The following ZFAND1 variants were observed in gnomAD, a reference collection of about 807,000 sequenced individuals.
The protein encoded by ZFAND1 is AN1-type zinc finger protein 1.
Under a neutral mutation model 38.5 loss-of-function variants are expected in ZFAND1, and 40 were observed. That is an observed-to-expected ratio of 1.04 (90% CI 0.81 to 1.35). The LOEUF (loss-of-function observed/expected upper bound fraction) is 1.35. ZFAND1 is among the 40% of genes most tolerant of loss of function. The probability of loss-of-function intolerance (pLI) is 0.00; values close to 1 mark genes in which losing one functional copy is unlikely to be tolerated. For synonymous variants in ZFAND1, 117 were observed against 103.6 expected (o/e 1.13, Z -0.78); for missense variants, 346 against 316.3 (o/e 1.09, Z -0.71).
In ZFAND1 at chr8:81,702,504, G is replaced by A. The variant is rs1585917225; in HGVS notation, c.*191C>T. Reference sequence around the variant, plus strand: ...AATATAAGAATTTGCTAATAATTGAGGATCCGTACACAATTAAACTTAAAA... The same window carrying A: ...AATATAAGAATTTGCTAATAATTGAAGATCCGTACACAATTAAACTTAAAA... On this transcript the variant is annotated 3_prime_UTR_variant, in exon 8 of 8. Coordinates refer to ENST00000220669, the MANE Select transcript of ZFAND1 (RefSeq NM_024699.3). The A allele has an allele frequency of 2.7e-6, 1 of 373,632 alleles. No homozygotes were observed. The highest frequency in any genetic ancestry group is 4.5e-5 in the East Asian group (1 of 22,108). The allele number at this position is 373,632 out of a possible 1,614,324, so 23.1% of individuals were successfully genotyped here. A position where few individuals can be genotyped will look rare whatever the true frequency, so the allele number is the denominator to read the frequency against.
chr8:81,718,187 T>C lies in ZFAND1; in HGVS notation c.93A>G (p.Ile31Met). The C allele has an allele frequency of 1.3e-6, 2 of 1,580,420 alleles. No homozygotes were observed. Among genetic ancestry groups the C allele is most frequent in the Non-Finnish European group, 1.7e-6 (2 of 1,163,252 alleles). The change falls in exon 2 of 8, where the codon ATA becomes ATG. Residue 31 changes from isoleucine to methionine, a missense_variant. Ile to Met is a conservative substitution (Grantham distance 10). Transcript: ENST00000220669. The part of the protein sequence containing the change: ...LPFVCDDCSG[I>M]FCLEHRSRES... ...TGCATAAAAACTTAACTTACCAAAA[T>C]ATTCCTGAACAATCATCACACACAA... is the stretch of plus-strand genomic sequence containing the variant.
At chr8:81,715,174 C>A in intron 3 of ZFAND1, 60 bp from the exon 4 acceptor site, 1 of 1,574,986 alleles carries the variant, frequency 6.3e-7, no homozygotes, top group South Asian at 1.1e-5. Context: ...ATCAATGTGT[C>A]TTATTCTAGA....
intron 5 of ZFAND1, 142 bp downstream of exon 5, chr8:81,714,662 G>T: frequency 1.4e-6 from 1 of 729,458 alleles, no homozygotes; most frequent in Non-Finnish European, 2.2e-6. Flanking sequence ...AAGAAATACT[G>T]TCACAAGAAT....
chr8:81,706,956 A>G (rs1195554281), intron 6 of ZFAND1, among the ~76,000 whole-genome samples: 4 of 152,224 alleles, frequency 2.6e-5, no homozygotes, highest in Admixed American at 6.5e-5. Context: ...ATGAAATGTT[A>G]CAGAAGGGAA....
At chr8:81,704,608 G>A in intron 6 of ZFAND1, among the ~76,000 whole-genome samples, 1 of 150,070 alleles carries the variant, frequency 6.7e-6, no homozygotes, top group Non-Finnish European at 1.5e-5. Flanking sequence ...GCTCTTCACT[G>A]ATTCCGAAAA....
In ZFAND1 at chr8:81,702,740, A is replaced by T; in HGVS notation, c.762T>A (p.Asn254Lys). ...CATTTTTACAGAATTGTTCTTCATCATTAAGATATTCCAAGATTATATTTC... is the reference window on the plus strand; with the variant it reads ...CATTTTTACAGAATTGTTCTTCATCTTTAAGATATTCCAAGATTATATTTC... The part of the protein sequence containing the change: ...NGGNIILEYL[N>K]DEEQFCKNVE... Residue 254 changes from asparagine (N) to lysine (K), a missense_variant, in exon 8 of 8, where the codon AAT becomes AAA. Transcript: ENST00000220669. The T allele has an allele frequency of 6.3e-7, 1 of 1,586,934 alleles. No homozygotes were observed. The highest frequency in any genetic ancestry group is 8.6e-7 in the Non-Finnish European group (1 of 1,169,578).
chr8:81,712,126 A>G (rs915357791), intron 6 of ZFAND1, among the ~76,000 whole-genome samples: 4 of 152,160 alleles, frequency 2.6e-5, no homozygotes, highest in African/African-American at 9.6e-5. Flanking sequence ...AATTTATTAC[A>G]TTGATGAGGA....
intron 2 of ZFAND1, among the ~76,000 whole-genome samples, chr8:81,717,507 C>A (rs1043610455): frequency 6.6e-6 from 1 of 152,100 alleles, no homozygotes; most frequent in Non-Finnish European, 1.5e-5. Flanking sequence ...TGAGTAAAAA[C>A]AATTCACCAC....
chr8:81,711,057 T>G (rs1347643984), intron 6 of ZFAND1, among the ~76,000 whole-genome samples: 1 of 152,170 alleles, frequency 6.6e-6, no homozygotes, highest in Non-Finnish European at 1.5e-5. Context: ...TGCCTGTGTT[T>G]GAAATGGTAA....
Position 81,702,441 on chromosome 8 carries a change from T to G in ZFAND1, c.*254A>C, listed in dbSNP as rs1356802244. The G allele has an allele frequency of 3.2e-5, 7 of 217,356 alleles. No individual in the cohort carries two copies. The highest frequency in any genetic ancestry group is 4.5e-5 in the Non-Finnish European group (5 of 112,098). The allele number at this position is 217,356 out of a possible 1,614,324, so 13.5% of individuals were successfully genotyped here. A position where few individuals can be genotyped will look rare whatever the true frequency, so the allele number is the denominator to read the frequency against. On this transcript the variant is annotated 3_prime_UTR_variant, in exon 8 of 8. Transcript: ENST00000220669. ...TCCCCCACCAGGAAATACATCTTTGTTGTTGTCACTACAGCATAAACTAAT... is the reference window on the plus strand; with the variant it reads ...TCCCCCACCAGGAAATACATCTTTGGTGTTGTCACTACAGCATAAACTAAT...
intron 2 of ZFAND1, 40 bp downstream of exon 2, chr8:81,718,142 C>T: frequency 1.3e-6 from 2 of 1,493,402 alleles, no homozygotes; most frequent in East Asian, 2.4e-5. Context: ...TTAATAAACA[C>T]TAAAATTACT....
In ZFAND1 at chr8:81,701,416, T is replaced by C. The variant is rs993051273; in HGVS notation, c.*1279A>G. 3.9e-5 allele frequency: 6 copies of C among 152,066 alleles called. No individual in the cohort carries two copies. The highest frequency in any genetic ancestry group is 7.3e-5 in the Non-Finnish European group (5 of 68,028). The allele number at this position is 152,066 out of a possible 1,614,324, so 9.4% of individuals were successfully genotyped here. The stretch of plus-strand genomic sequence containing the variant: ...ATGCTATTGCACATTAAATAGACTA[T>C]AGTATAGTGTAAACATAATTTTTAT... On this transcript the variant is annotated 3_prime_UTR_variant, in exon 8 of 8. Coordinates refer to ENST00000220669, the MANE Select transcript of ZFAND1 (RefSeq NM_024699.3).
At chr8:81,708,187 T>C (rs1808036151) in intron 6 of ZFAND1, among the ~76,000 whole-genome samples, 1 of 149,926 alleles carries the variant, frequency 6.7e-6, no homozygotes, top group South Asian at 2.1e-4. Flanking sequence ...GAGGCAGATG[T>C]TGCAGTGAGC....
chr8:81,711,985 A>G (rs1808153048), intron 6 of ZFAND1, among the ~76,000 whole-genome samples: 1 of 152,184 alleles, frequency 6.6e-6, no homozygotes, highest in African/African-American at 2.4e-5. Context: ...TCTTGCTATT[A>G]ATGTCACTAA....
intron 3 of ZFAND1, among the ~76,000 whole-genome samples, chr8:81,716,848 G>A (rs1395911200): frequency 6.6e-6 from 1 of 152,176 alleles, no homozygotes; most frequent in Non-Finnish European, 1.5e-5. Context: ...TCGGGAGGCT[G>A]AGCCAGGAGA....
chr8:81,715,304 AT>A (rs1808273315), intron 3 of ZFAND1, among the ~76,000 whole-genome samples, 190 bp from the exon 4 acceptor site: 1 of 152,174 alleles, frequency 6.6e-6, no homozygotes. Flanking sequence ...CACTTTCATA[AT>A]TTTCCTACTG....
At chr8:81,710,648 A>G (rs1808114211) in intron 6 of ZFAND1, among the ~76,000 whole-genome samples, 1 of 152,174 alleles carries the variant, frequency 6.6e-6, no homozygotes, top group African/African-American at 2.4e-5. Flanking sequence ...AAAACAAAAC[A>G]ACAAAAAAAG....
At chr8:81,720,571 A>T (rs927187003) in intron 1 of ZFAND1, among the ~76,000 whole-genome samples, 1 of 152,208 alleles carries the variant, frequency 6.6e-6, no homozygotes, top group African/African-American at 2.4e-5. Context: ...AAGCTAAGGA[A>T]GGGCCTTCTT....
rs117210284 is a variant in ZFAND1 at position 81,718,217 on chromosome 8, A to G, written c.63T>C (p.Leu21=). 169 of 1,573,400 alleles carry G rather than the reference A, an allele frequency of 1.1e-4. No individual in the cohort carries two copies. The highest frequency in any genetic ancestry group is 1.4e-4 in the Non-Finnish European group (166 of 1,159,528). Residue 21 remains leucine, a synonymous_variant, in exon 2 of 8, where the codon CTT becomes CTC. Coordinates refer to ENST00000220669, the MANE Select transcript of ZFAND1 (RefSeq NM_024699.3). ...QVEHCRQRDF[L]PFVCDDCSGI... ...CTGAACAATCATCACACACAAATGGAAGAAAATCTAAAATTGAGAGAAAAT... is the reference window on the plus strand; with the variant it reads ...CTGAACAATCATCACACACAAATGGGAGAAAATCTAAAATTGAGAGAAAAT...
Sources: gnomAD v4.1 joint callset for allele counts (sites outside exome capture counted in the v4.1 genomes callset) on GRCh38, gnomAD v4.1.1 for gene constraint, MANE v1.5 for transcripts, NCBI Gene and HGNC (gene_info 2026-07-23, HGNC 2026-07-21) for gene names.